The following UNC119B variants were observed in gnomAD, a reference collection of about 807,000 sequenced individuals.
The protein encoded by UNC119B is unc-119 lipid binding chaperone B.
In UNC119B, 16 loss-of-function variants were observed where a neutral mutation model predicts 23.4. The observed-to-expected ratio is 0.68, with a 90% CI of 0.46 to 1.04. The LOEUF is 1.04. Among genes scored for constraint, UNC119B ranks in the 50% least tolerant of loss-of-function variants. The pLI is 0.00. For synonymous variants in UNC119B, 144 were observed against 145.4 expected, an observed-to-expected ratio of 0.99 and a Z score of 0.07; for missense variants, 350 against 361.3, an observed-to-expected ratio of 0.97 and a Z score of 0.25.
intron 1 of UNC119B, among the ~76,000 whole-genome samples, chr12:120,712,653 C>T (rs1882694137): frequency 6.6e-6 from 1 of 152,174 alleles, no homozygotes; most frequent in Non-Finnish European, 1.5e-5. Context: ...AATCTTGAGA[C>T]ACGTGGTTAT....
intron 2 of UNC119B, 73 bp from the exon 3 acceptor site, chr12:120,716,555 T>G: frequency 6.6e-7 from 1 of 1,516,514 alleles, no homozygotes. Flanking sequence ...CATTGTGCTG[T>G]TGGGACTGGT....
At position 120,722,163 on chromosome 12, in the gene UNC119B, A is replaced by G. The variant is rs536726605; in HGVS notation, c.*2131A>G. Reference sequence around the variant, plus strand: ...CTTATCTGCAGTGTTCGCTTTTGCTAGAAAGAGGATGTGGAGGAAGGAGGA... The same window carrying G: ...CTTATCTGCAGTGTTCGCTTTTGCTGGAAAGAGGATGTGGAGGAAGGAGGA... On this transcript the variant is annotated 3_prime_UTR_variant, in exon 5 of 5. Coordinates refer to ENST00000344651, the MANE Select transcript of UNC119B (RefSeq NM_001080533.3). The G allele has an allele frequency of 6.6e-6, 1 of 152,320 alleles. No individual in the cohort carries two copies. Among genetic ancestry groups the G allele is most frequent in the Non-Finnish European group, 1.5e-5 (1 of 68,124 alleles). The allele number at this position is 152,320 out of a possible 1,614,324, so 9.4% of individuals were successfully genotyped here.
rs1406874648 is a variant in UNC119B, at chr12:120,716,666, G to A, written c.397G>A (p.Asp133Asn). 1.7e-5 allele frequency: 27 copies of A among 1,614,096 alleles called. No homozygotes were observed. Among genetic ancestry groups the A allele is most frequent in the Non-Finnish European group, 2.0e-5 (24 of 1,180,042 alleles). The change falls in exon 3 of 5, where the codon GAC becomes AAC. Residue 133 changes from aspartate (D) to asparagine (N), a missense_variant. Transcript: ENST00000344651. ...EDEEEGGGDV[D>N]ISAGRFVRYQ... ...TGAGGAGGAGGGAGGTGGAGACGTG[G>A]ACATCAGCGCAGGACGTTTTGTCCG...
intron 4 of UNC119B, among the ~76,000 whole-genome samples, chr12:120,719,094 A>G (rs969728060): frequency 6.6e-6 from 1 of 152,198 alleles, no homozygotes; most frequent in African/African-American, 2.4e-5. Flanking sequence ...AATCAGTTTC[A>G]CTTTTTGAGA....
intron 1 of UNC119B, 144 bp downstream of exon 1, chr12:120,710,862 C>A: frequency 1.3e-6 from 1 of 772,000 alleles, no homozygotes; most frequent in Non-Finnish European, 1.7e-6. Flanking sequence ...GCCCCGCCGG[C>A]CGGGCTTTGC....
intron 1 of UNC119B, 95 bp downstream of exon 1, chr12:120,710,813 C>T (rs1693936034): frequency 3.4e-6 from 4 of 1,177,720 alleles, no homozygotes; most frequent in Non-Finnish European, 3.2e-6. Context: ...CGGGGGTCCC[C>T]GCCAGACCCC....
chr12:120,720,217 T>A lies in UNC119B; in HGVS notation c.*185T>A, dbSNP rs1393494729. 2 of 577,430 alleles carry A rather than the reference T, an allele frequency of 3.5e-6. No homozygotes were observed. Among genetic ancestry groups the A allele is most frequent in the South Asian group, 2.2e-5 (1 of 45,838 alleles). The allele number at this position is 577,430 out of a possible 1,614,324, so 35.8% of individuals were successfully genotyped here. On this transcript the variant is annotated 3_prime_UTR_variant, in exon 5 of 5. Transcript: ENST00000344651. ...CAGTGCTGTGTTTTCTTCCCCAGTA[T>A]TTTTTCTTCCCTTTTTTTCCTGCCC...
At chr12:120,718,415 A>G (rs1882824008) in intron 4 of UNC119B, among the ~76,000 whole-genome samples, 1 of 152,218 alleles carries the variant, frequency 6.6e-6, no homozygotes, top group African/African-American at 2.4e-5. Context: ...CTTCTTTTCC[A>G]TTCCCTGCAG....
chr12:120,717,072 T>C, intron 4 of UNC119B, 30 bp downstream of exon 4: 1 of 1,531,306 alleles, frequency 6.5e-7, no homozygotes, highest in Non-Finnish European at 8.8e-7. Flanking sequence ...TACAGCACTC[T>C]AGATTCTGAG....
intron 1 of UNC119B, among the ~76,000 whole-genome samples, chr12:120,712,493 T>C (rs138713432): frequency 1.1e-4 from 17 of 152,364 alleles, no homozygotes; most frequent in African/African-American, 4.1e-4. Flanking sequence ...TTGCGGCTCA[T>C]GTTCTAGTCA....
At position 120,722,056 on chromosome 12, in the gene UNC119B, C is replaced by T. The variant is rs755534650; in HGVS notation, c.*2024C>T. The T allele has an allele frequency of 9.2e-5, 14 of 152,426 alleles. No homozygotes were observed. Among genetic ancestry groups the T allele is most frequent in the Non-Finnish European group, 1.8e-4 (12 of 68,060 alleles). The allele number at this position is 152,426 out of a possible 1,614,324, so 9.4% of individuals were successfully genotyped here. A position where few individuals can be genotyped will look rare whatever the true frequency, so the allele number is the denominator to read the frequency against. ...TATTATCTGGGATGTGGTTCTGGAG[C>T]TGCCCAGAGCTGTGCTTAGTAGAGT... On this transcript the variant is annotated 3_prime_UTR_variant, in exon 5 of 5. Coordinates refer to ENST00000344651, the MANE Select transcript of UNC119B (RefSeq NM_001080533.3).
Position 120,719,929 on chromosome 12 carries a change from T to C in UNC119B, c.653T>C (p.Met218Thr). 1.2e-6 allele frequency: 2 copies of C among 1,613,666 alleles called. No homozygotes were observed. ...TTTGCCTGACTTGCAGTTCGTCTAA[T>C]GATTGAAAATCCTTACGAGACCCGC... ...PQLSEDVIRLMIENPYETRSD... is the reference protein window; with the variant it reads ...PQLSEDVIRLTIENPYETRSD... The change falls in exon 5 of 5, where the codon ATG becomes ACG. Residue 218 changes from methionine to threonine, a missense_variant. Coordinates refer to ENST00000344651, the MANE Select transcript of UNC119B (RefSeq NM_001080533.3).
chr12:120,713,220 A>G, intron 1 of UNC119B, 54 bp from the exon 2 acceptor site: 1 of 1,372,430 alleles, frequency 7.3e-7, no homozygotes, highest in Admixed American at 2.0e-5. Context: ...AATTAAATAA[A>G]TGGTAGTTTT....
At position 120,714,655 on chromosome 12, in the gene UNC119B, G is replaced by A. The variant is rs1312864994; in HGVS notation, c.358+1268G>A. Among the ~76,000 whole-genome samples the A allele has an allele frequency of 2.0e-5, 3 of 152,166 alleles. No individual in the cohort carries two copies. In the South Asian group the frequency reaches 6.2e-4, roughly 32 times the overall value. ...TTTTTTATTGGGATGGTCAGATCAA[G>A]ACCAGCTAGCTTCCTGGGTCTGTGG... On this transcript the variant is annotated intron_variant, in intron 2 of 4. Transcript: ENST00000344651.
At chr12:120,715,086 G>A (rs1320052853) in intron 2 of UNC119B, among the ~76,000 whole-genome samples, 1 of 152,210 alleles carries the variant, frequency 6.6e-6, no homozygotes, top group African/African-American at 2.4e-5. Flanking sequence ...AGCTACTCAG[G>A]AGGCTGAGGT....
At position 120,723,071 on chromosome 12, in the gene UNC119B, T is replaced by C. The variant is rs1882946721; in HGVS notation, c.*3039T>C. 6.5e-6 allele frequency: 1 copy of C among 152,882 alleles called. No individual in the cohort carries two copies. Among genetic ancestry groups the C allele is most frequent in the Admixed American group, 6.5e-5 (1 of 15,286 alleles). The allele number at this position is 152,882 out of a possible 1,614,324, so 9.5% of individuals were successfully genotyped here. ...TTTCTGGAATGGATTTAATAGGCTG[T>C]GTCTAATGTACAAACTGGGTGAGTC... On this transcript the variant is annotated 3_prime_UTR_variant, in exon 5 of 5. Coordinates refer to ENST00000344651, the MANE Select transcript of UNC119B (RefSeq NM_001080533.3).
At chr12:120,719,404 G>C (rs1459866523) in intron 4 of UNC119B, among the ~76,000 whole-genome samples, 1 of 152,214 alleles carries the variant, frequency 6.6e-6, no homozygotes, top group African/African-American at 2.4e-5. Context: ...CTCCGGAGAA[G>C]GCTCCCTGCC....
At chr12:120,717,842 C>T (rs1464517128) in intron 4 of UNC119B, among the ~76,000 whole-genome samples, 2 of 148,778 alleles carry the variant, frequency 1.3e-5, no homozygotes, top group Admixed American at 6.7e-5. Flanking sequence ...GGATTACAGG[C>T]GTGAGCCACT....
chr12:120,711,181 C>T (rs923580752), intron 1 of UNC119B: 1 of 153,412 alleles, frequency 6.5e-6, no homozygotes, highest in Non-Finnish European at 1.5e-5. Context: ...CGCCCTGGCC[C>T]CATGGCAGCC....
Sources: gnomAD v4.1 joint callset for allele counts (sites outside exome capture counted in the v4.1 genomes callset) on GRCh38, gnomAD v4.1.1 for gene constraint, MANE v1.5 for transcripts, NCBI Gene and HGNC (gene_info 2026-07-23, HGNC 2026-07-21) for gene names.